PDZRN4: variants seen among roughly 807,000 people sequenced by gnomAD.
PDZRN4 encodes the protein PDZ domain containing ring finger 4.
A neutral mutation model predicts 99.0 loss-of-function variants in PDZRN4; 70 were observed. That is an observed-to-expected ratio of 0.71 (90% CI 0.58 to 0.86). The LOEUF is 0.86. Among genes scored for constraint, PDZRN4 ranks in the 40% least tolerant of loss-of-function variants. The pLI is 0.00. For missense variants in PDZRN4, 1,474 were observed against 1,331.2 expected, an observed-to-expected ratio of 1.11 and a Z score of -1.67; for synonymous variants, 551 against 501.6, an observed-to-expected ratio of 1.10 and a Z score of -1.32.
intron 3 of PDZRN4, among the ~76,000 whole-genome samples, chr12:41,498,899 A>G (rs1260035736): frequency 6.6e-6 from 1 of 152,174 alleles, no homozygotes; most frequent in African/African-American, 2.4e-5. Context: ...TGCAAAGATA[A>G]CAAATTTTAG....
intron 5 of PDZRN4, among the ~76,000 whole-genome samples, chr12:41,524,780 T>C (rs1938544705): frequency 6.6e-6 from 1 of 152,152 alleles, no homozygotes; most frequent in South Asian, 2.1e-4. Context: ...TAACTTTGGC[T>C]GCCTTTTGGC....
intron 3 of PDZRN4, among the ~76,000 whole-genome samples, chr12:41,204,864 A>C (rs1239217625): frequency 6.6e-6 from 1 of 151,866 alleles, no homozygotes; most frequent in African/African-American, 2.4e-5. Flanking sequence ...CTTTTTTCAG[A>C]CAAAATTTTC....
intron 3 of PDZRN4, among the ~76,000 whole-genome samples, chr12:41,222,328 C>T (rs191299903): frequency 1.3e-5 from 2 of 152,134 alleles, no homozygotes; most frequent in African/African-American, 4.8e-5. Context: ...ATTTCTTTTC[C>T]CTGTCCACCT....
chr12:41,390,342 A>T (rs754212097), intron 3 of PDZRN4, among the ~76,000 whole-genome samples: 1 of 151,990 alleles, frequency 6.6e-6, no homozygotes, highest in Non-Finnish European at 1.5e-5. Flanking sequence ...TATTTGCGTT[A>T]ATGTTTTTGC....
intron 3 of PDZRN4, among the ~76,000 whole-genome samples, chr12:41,244,360 C>T (rs924944255): frequency 6.6e-6 from 1 of 152,302 alleles, no homozygotes; most frequent in African/African-American, 2.4e-5. Flanking sequence ...GGTGTATTCT[C>T]CATACCACAA....
intron 4 of PDZRN4, among the ~76,000 whole-genome samples, chr12:41,508,397 G>A (rs992221380): frequency 6.6e-6 from 1 of 152,152 alleles, no homozygotes; most frequent in African/African-American, 2.4e-5. Context: ...TTATTGCACT[G>A]TATTAAAATT....
intron 3 of PDZRN4, among the ~76,000 whole-genome samples, chr12:41,384,572 G>T (rs1952152575): frequency 6.6e-6 from 1 of 152,112 alleles, no homozygotes; most frequent in Admixed American, 6.5e-5. Flanking sequence ...CTCCGCTCTT[G>T]GAATGGGTTA....
At chr12:41,218,838 T>G (rs1401905680) in intron 3 of PDZRN4, among the ~76,000 whole-genome samples, 1 of 152,142 alleles carries the variant, frequency 6.6e-6, no homozygotes, top group East Asian at 1.9e-4. Context: ...AAACTTTAAC[T>G]GTAGAAATGT....
rs1426514494 is a variant in PDZRN4, at chr12:41,361,105, TGTGA to T, written c.844-145348_844-145345del. The stretch of plus-strand genomic sequence containing the variant: ...TTACAGCATGGATTTCCTTATTTAG[TGTGA>T]GTATTTTTGTCTTCCAGTTACATGA... On this transcript the variant is annotated intron_variant, in intron 3 of 9. Transcript: ENST00000402685. 4.6e-5 allele frequency among the ~76,000 whole-genome samples: 7 copies of T among 152,070 alleles called. 1 individual carries two copies. In the South Asian group the frequency reaches 8.3e-4, roughly 18 times the overall value.
chr12:41,324,148 A>G (rs908298709), intron 3 of PDZRN4, among the ~76,000 whole-genome samples: 56 of 152,110 alleles, frequency 3.7e-4, no homozygotes, highest in Non-Finnish European at 2.6e-4. Flanking sequence ...TAAATAAAAC[A>G]TATCTAAATA....
chr12:41,372,828 G>A (rs951221304), intron 3 of PDZRN4, among the ~76,000 whole-genome samples: 3 of 152,048 alleles, frequency 2.0e-5, no homozygotes, highest in Non-Finnish European at 4.4e-5. Flanking sequence ...GTTATGATGG[G>A]ATATTTTGAT....
intron 3 of PDZRN4, among the ~76,000 whole-genome samples, chr12:41,228,950 G>A (rs973411901): frequency 6.6e-6 from 1 of 151,880 alleles, no homozygotes; most frequent in African/African-American, 2.4e-5. Context: ...CAGCCTGGAT[G>A]GGATTTAACG....
At chr12:41,385,845 T>C (rs1952166414) in intron 3 of PDZRN4, among the ~76,000 whole-genome samples, 1 of 152,062 alleles carries the variant, frequency 6.6e-6, no homozygotes, top group South Asian at 2.1e-4. Flanking sequence ...TACCAAAACC[T>C]GGCAGAGGTA....
intron 3 of PDZRN4, among the ~76,000 whole-genome samples, chr12:41,265,547 T>A (rs1951270099): frequency 6.6e-6 from 1 of 152,162 alleles, no homozygotes; most frequent in African/African-American, 2.4e-5. Context: ...AAATTGAGCA[T>A]TTAAGGAAAA....
chr12:41,353,432 G>A (rs1357719954), intron 3 of PDZRN4, among the ~76,000 whole-genome samples: 2 of 152,124 alleles, frequency 1.3e-5, no homozygotes, highest in African/African-American at 4.8e-5. Flanking sequence ...AAGTCCAGAT[G>A]CATGTTGATC....
At chr12:41,200,758 T>C (rs1393085551) in intron 3 of PDZRN4, among the ~76,000 whole-genome samples, 1 of 152,152 alleles carries the variant, frequency 6.6e-6, no homozygotes, top group Non-Finnish European at 1.5e-5. Flanking sequence ...GCCCTTCTTT[T>C]CTTCCTTTCA....
At chr12:41,272,967 G>A (rs1591992859) in intron 3 of PDZRN4, among the ~76,000 whole-genome samples, 1 of 151,964 alleles carries the variant, frequency 6.6e-6, no homozygotes, top group East Asian at 1.9e-4. Context: ...ATATTTAGGA[G>A]GAAATTGAAT....
At chr12:41,393,009 A>G (rs1346454254) in intron 3 of PDZRN4, among the ~76,000 whole-genome samples, 1 of 152,188 alleles carries the variant, frequency 6.6e-6, no homozygotes, top group Non-Finnish European at 1.5e-5. Context: ...CCCAGGCATT[A>G]TGGGTTAAGC....
At chr12:41,305,159 G>C (rs1306488944) in intron 3 of PDZRN4, among the ~76,000 whole-genome samples, 1 of 152,012 alleles carries the variant, frequency 6.6e-6, no homozygotes, top group Non-Finnish European at 1.5e-5. Flanking sequence ...AAATCATTCG[G>C]GTGTTTTGCT....
Sources: gnomAD v4.1 joint callset for allele counts (sites outside exome capture counted in the v4.1 genomes callset) on GRCh38, gnomAD v4.1.1 for gene constraint, MANE v1.5 for transcripts, NCBI Gene and HGNC (gene_info 2026-07-23, HGNC 2026-07-21) for gene names.